Variants in ABCA8 observed in about 807,000 individuals in gnomAD.
The protein encoded by ABCA8 is ATP binding cassette subfamily A member 8.
In ABCA8, 177 loss-of-function variants were observed where a neutral mutation model predicts 192.3. The ratio of observed to expected loss-of-function variants is 0.92; its 90% CI spans 0.81 to 1.04. The LOEUF is 1.04. Ranked by LOEUF, ABCA8 falls within the 50% of genes least tolerant of loss-of-function variation. The pLI is 0.00. For synonymous variants in ABCA8, 642 were observed against 690.2 expected, an observed-to-expected ratio of 0.93 and a Z score of 1.09; for missense variants, 1,915 against 1,904.8, an observed-to-expected ratio of 1.01 and a Z score of -0.10.
In ABCA8 at chr17:68,883,896, G is replaced by A; in HGVS notation, c.3616-14C>T. The A allele has an allele frequency of 2.1e-6, 3 of 1,432,892 alleles. No homozygotes were observed. The highest frequency in any genetic ancestry group is 2.9e-6 in the Non-Finnish European group (3 of 1,034,240). 88.8% of individuals were successfully genotyped at this position (1,432,892 alleles called of 1,614,324 possible). Reference sequence around the variant, plus strand: ...ATGAAGGAAAGGCTAGGAATAAAGAGAGATGCACAATTAGAAACATAAAAA... The same window carrying A: ...ATGAAGGAAAGGCTAGGAATAAAGAAAGATGCACAATTAGAAACATAAAAA... On this transcript the variant is annotated splice_polypyrimidine_tract_variant and intron_variant, in intron 28 of 39. Coordinates refer to ENST00000586539, the MANE Select transcript of ABCA8 (RefSeq NM_001288985.2).
chr17:68,917,007 C>T (rs1366283599), intron 17 of ABCA8, among the ~76,000 whole-genome samples: 2 of 152,188 alleles, frequency 1.3e-5, no homozygotes, highest in Non-Finnish European at 2.9e-5. Context: ...CGGTGGCTCA[C>T]GCCTATAATC....
intron 2 of ABCA8, chr17:68,945,052 A>C (rs1598296186): frequency 6.6e-6 from 1 of 152,226 alleles, no homozygotes; most frequent in Middle Eastern, 3.2e-3. Flanking sequence ...CTGAGCAAAA[A>C]GCTATGGCAG....
rs931077832 is a variant in ABCA8, at chr17:68,887,028, A to C, written c.3418T>G (p.Cys1140Gly). The stretch of plus-strand genomic sequence containing the variant: ...AGAAATATACTTACAACATAGAAAC[A>C]AAATGACCAAATGCCACTATTTTTT... Reference protein sequence around the residue: ...GRKNSGIWSFCFYVVTVFSVA... With the variant: ...GRKNSGIWSFGFYVVTVFSVA... The change falls in exon 26 of 40, where the codon TGT becomes GGT. Residue 1140 changes from cysteine to glycine, a missense_variant. Physicochemically the swap from Cys to Gly is radical, Grantham distance 159. Coordinates refer to ENST00000586539, the MANE Select transcript of ABCA8 (RefSeq NM_001288985.2). 1.9e-6 allele frequency: 3 copies of C among 1,602,182 alleles called. No homozygotes were observed. The East Asian group carries it at 6.7e-5, about 36-fold the overall frequency.
At chr17:68,924,307 T>C (rs996912888) in intron 11 of ABCA8, among the ~76,000 whole-genome samples, 3 of 149,596 alleles carry the variant, frequency 2.0e-5, no homozygotes, top group Admixed American at 1.3e-4. Context: ...GATTGCACCA[T>C]TGCACTCCAG....
At chr17:68,884,727 G>A in intron 27 of ABCA8, 1 of 1,063,234 alleles carries the variant, frequency 9.4e-7, no homozygotes, top group Non-Finnish European at 1.1e-6. Flanking sequence ...CTCTTTGTGG[G>A]GCCCCTTCTC....
At chr17:68,904,710 T>G (rs866712590) in intron 19 of ABCA8, among the ~76,000 whole-genome samples, 7 of 152,052 alleles carry the variant, frequency 4.6e-5, no homozygotes, top group Admixed American at 2.6e-4. Flanking sequence ...CTTTCCTAAG[T>G]GCATAGGAAC....
Position 68,940,846 on chromosome 17 carries a change from A to G in ABCA8, c.213T>C (p.Asn71=), listed in dbSNP as rs747999664. 31 of 1,613,460 alleles carry G rather than the reference A, an allele frequency of 1.9e-5. No individual in the cohort carries two copies. The highest frequency in any genetic ancestry group is 2.7e-5 in the African/African-American group (2 of 74,898). The change falls in exon 4 of 40, where the codon AAT becomes AAC. Residue 71 remains asparagine, a synonymous_variant. Coordinates refer to ENST00000586539, the MANE Select transcript of ABCA8 (RefSeq NM_001288985.2). The stretch of plus-strand genomic sequence containing the variant: ...TGTATACAACAGAAAATCTGGATTC[A>G]TTAAATGTATCTACCCGTCCCAGGT... ...TMDLGRVDTF[N]ESRFSVVYTP...
intron 4 of ABCA8, among the ~76,000 whole-genome samples, chr17:68,940,423 A>C (rs1366084333): frequency 2.0e-5 from 3 of 152,156 alleles, no homozygotes; most frequent in African/African-American, 7.2e-5. Flanking sequence ...TTTCAGAGTC[A>C]CATGTCAACA....
At chr17:68,870,731 A>T (rs573424214) in intron 37 of ABCA8, among the ~76,000 whole-genome samples, 1 of 152,142 alleles carries the variant, frequency 6.6e-6, no homozygotes, top group Non-Finnish European at 1.5e-5. Context: ...CATTTACTTC[A>T]TCCATTTATC....
At chr17:68,914,722 G>A (rs1042526752) in intron 17 of ABCA8, among the ~76,000 whole-genome samples, 35 of 152,090 alleles carry the variant, frequency 2.3e-4, no homozygotes, top group African/African-American at 8.4e-4. Flanking sequence ...ACTACCCAAA[G>A]CAATCTACTT....
intron 30 of ABCA8, 79 bp from the exon 31 acceptor site, chr17:68,882,059 G>T: frequency 8.0e-7 from 1 of 1,253,394 alleles, no homozygotes. Flanking sequence ...CTTCCCATTG[G>T]CTGGACCCTT....
rs996653473 is a variant in ABCA8, at chr17:68,949,410, T to C, written c.-104A>G. ...TTCCTTCTGAAACAATTCCAAACAGTCGAAAAAGAGGGACTCCTCTCTAAC... is the reference window on the plus strand; with the variant it reads ...TTCCTTCTGAAACAATTCCAAACAGCCGAAAAAGAGGGACTCCTCTCTAAC... On this transcript the variant is annotated 5_prime_UTR_variant, in exon 2 of 40. Coordinates refer to ENST00000586539, the MANE Select transcript of ABCA8 (RefSeq NM_001288985.2). The C allele has an allele frequency of 6.6e-6, 1 of 151,856 alleles. No individual in the cohort carries two copies. The highest frequency in any genetic ancestry group is 2.4e-5 in the African/African-American group (1 of 41,318). 9.4% of individuals were successfully genotyped at this position (151,856 alleles called of 1,614,324 possible).
chr17:68,928,191 TG>T (rs1728531584), intron 9 of ABCA8, 128 bp from the exon 10 acceptor site: 1 of 686,196 alleles, frequency 1.5e-6, no homozygotes, highest in Non-Finnish European at 2.2e-6. Flanking sequence ...ATAGGGAGAC[TG>T]CCTCCTTTAT....
intron 17 of ABCA8, among the ~76,000 whole-genome samples, chr17:68,910,829 C>G (rs1048934281): frequency 6.6e-6 from 1 of 152,166 alleles, no homozygotes; most frequent in Non-Finnish European, 1.5e-5. Flanking sequence ...TTTAGACATA[C>G]CCTAGGCCAG....
In ABCA8 at chr17:68,940,748, G is replaced by A; in HGVS notation, c.301+10C>T. 2 of 1,608,152 alleles carry A rather than the reference G, an allele frequency of 1.2e-6. No homozygotes were observed. The highest frequency in any genetic ancestry group is 1.7e-6 in the Non-Finnish European group (2 of 1,174,964). ...ACCAGACATTCTTCTTAAGTAACTAGAAAACTTACCTGCCAGGAAGGGAGT... is the reference window on the plus strand; with the variant it reads ...ACCAGACATTCTTCTTAAGTAACTAAAAAACTTACCTGCCAGGAAGGGAGT... On this transcript the variant is annotated intron_variant, in intron 4 of 39. Transcript: ENST00000586539.
intron 10 of ABCA8, among the ~76,000 whole-genome samples, chr17:68,926,542 G>C (rs577015706): frequency 1.3e-5 from 2 of 152,198 alleles, no homozygotes. Flanking sequence ...ATGTTAACAA[G>C]GGGTAGAAAG....
intron 2 of ABCA8, chr17:68,944,399 C>T (rs2068338452): frequency 7.3e-6 from 1 of 137,432 alleles, no homozygotes; most frequent in Admixed American, 7.6e-5. Flanking sequence ...ACCTGAAAGA[C>T]CCCCAGTAGC....
intron 9 of ABCA8, 132 bp downstream of exon 9, chr17:68,928,917 G>T: frequency 1.4e-6 from 1 of 736,614 alleles, no homozygotes; most frequent in Non-Finnish European, 1.9e-6. Flanking sequence ...TTCTGTCTTT[G>T]CAACTTTACA....
chr17:68,876,913 T>C (rs1437023148), intron 33 of ABCA8, among the ~76,000 whole-genome samples: 1 of 152,208 alleles, frequency 6.6e-6, no homozygotes, highest in African/African-American at 2.4e-5. Flanking sequence ...GGACATGACA[T>C]GATATCCAAA....
Sources: allele counts gnomAD v4.1 joint callset (sites outside exome capture counted in the v4.1 genomes callset), GRCh38; gene constraint gnomAD v4.1.1; transcripts MANE v1.5; gene names NCBI Gene and HGNC (gene_info 2026-07-23, HGNC 2026-07-21).